SLC28A1: variants seen among roughly 807,000 people sequenced by gnomAD.
SLC28A1 encodes solute carrier family 28 member 1, also known as sodium/nucleoside cotransporter 1.
Under a neutral mutation model 74.8 loss-of-function variants are expected in SLC28A1, and 64 were observed. That is an observed-to-expected ratio of 0.86 (90% CI 0.70 to 1.05). The LOEUF (loss-of-function observed/expected upper bound fraction) is 1.05, where lower values mean the gene tolerates loss of function less well. Ranked by LOEUF, SLC28A1 falls within the 50% of genes least tolerant of loss-of-function variation. The pLI is 0.00. For missense variants in SLC28A1, 828 were observed against 822.8 expected, an observed-to-expected ratio of 1.01 and a Z score of -0.08; for synonymous variants, 359 against 335.0, an observed-to-expected ratio of 1.07 and a Z score of -0.78.
At position 84,886,771 on chromosome 15, in the gene SLC28A1, C is replaced by CTGT; in HGVS notation, c.-31_-29dup. 1 of 985,366 alleles carries CTGT rather than the reference C, an allele frequency of 1.0e-6. No homozygotes were observed. The highest frequency in any genetic ancestry group is 1.2e-6 in the Non-Finnish European group (1 of 829,824). The allele number at this position is 985,366 out of a possible 1,614,324, so 61.0% of individuals were successfully genotyped here. A position where few individuals can be genotyped will look rare whatever the true frequency, so the allele number is the denominator to read the frequency against. ...GCTTCCCTCTCTCTCTGAGAGCGACCTGTTAACCGCAAATACGTGAGTAGA... is the reference window on the plus strand; with the variant it reads ...GCTTCCCTCTCTCTCTGAGAGCGACCTGTTGTTAACCGCAAATACGTGAGTAGA... On this transcript the variant is annotated 5_prime_UTR_variant, in exon 2 of 19. Coordinates refer to ENST00000394573, the MANE Select transcript of SLC28A1 (RefSeq NM_004213.5).
At chr15:84,907,007 G>T (rs1298952133) in intron 8 of SLC28A1, among the ~76,000 whole-genome samples, 1 of 152,226 alleles carries the variant, frequency 6.6e-6, no homozygotes, top group Non-Finnish European at 1.5e-5. Context: ...TTTATAGACA[G>T]AGAAAGGCTG....
downstream of SLC28A1, among the ~76,000 whole-genome samples, chr15:84,950,359 CTTT>C (rs571049176): frequency 1.4e-3 from 178 of 127,574 alleles, 1 homozygote; most frequent in African/African-American, 4.7e-3. Flanking sequence ...CGCCAGTCTC[CTTT>C]TTTTTTTTTT....
At chr15:84,962,356 G>T in the SLC28A1 span, among the ~76,000 whole-genome samples, 2 of 152,106 alleles carry the variant, frequency 1.3e-5, no homozygotes, top group Non-Finnish European at 2.9e-5. Flanking sequence ...TTATAGGTGT[G>T]AGCCACTGCA....
Position 84,918,613 on chromosome 15 carries a change from C to G in SLC28A1, c.876+9C>G. ...AGTGGGTGATCCTGAAGGTAAGTTCCCAGTGCCCATGGCCAGGGCTCTCCC... is the reference window on the plus strand; with the variant it reads ...AGTGGGTGATCCTGAAGGTAAGTTCGCAGTGCCCATGGCCAGGGCTCTCCC... On this transcript the variant is annotated intron_variant, in intron 10 of 18. Transcript: ENST00000394573. The G allele has an allele frequency of 6.2e-7, 1 of 1,603,458 alleles. No individual in the cohort carries two copies. The highest frequency in any genetic ancestry group is 8.5e-7 in the Non-Finnish European group (1 of 1,170,448).
chr15:84,887,000 A>T (rs1964678683), intron 2 of SLC28A1, among the ~76,000 whole-genome samples: 1 of 152,220 alleles, frequency 6.6e-6, no homozygotes, highest in African/African-American at 2.4e-5. Context: ...GGTGTTAGTT[A>T]CCACTCTTAT....
chr15:84,921,970 A>ATCCC (rs1969881558), intron 11 of SLC28A1, among the ~76,000 whole-genome samples: 1 of 152,156 alleles, frequency 6.6e-6, no homozygotes, highest in Non-Finnish European at 1.5e-5. Context: ...ACATTGGGCG[A>ATCCC]TGTGAAGCGC....
In SLC28A1 at chr15:84,944,641, C is replaced by A. The variant is rs745888063; in HGVS notation, c.1739C>A (p.Ser580Tyr). ...LRALFTGACVSLVNACMAGIL... is the reference protein window; with the variant it reads ...LRALFTGACVYLVNACMAGIL... ...GCGCTCTTCACGGGAGCCTGTGTGTCCCTGGTGAACGCCTGTATGGCAGGT... is the reference window on the plus strand; with the variant it reads ...GCGCTCTTCACGGGAGCCTGTGTGTACCTGGTGAACGCCTGTATGGCAGGT... The change falls in exon 17 of 19, where the codon TCC (serine) becomes TAC (tyrosine). Residue 580 changes from serine (S) to tyrosine (Y), a missense_variant. Around this residue, in one of 3 missense-constraint regions of SLC28A1, gnomAD observed 767 missense variants for 753.5 expected, o/e 1.02. Transcript: ENST00000394573. 6 of 1,613,690 alleles carry A rather than the reference C, an allele frequency of 3.7e-6. No homozygotes were observed. The highest frequency in any genetic ancestry group is 5.1e-6 in the Non-Finnish European group (6 of 1,179,708).
intron 10 of SLC28A1, among the ~76,000 whole-genome samples, chr15:84,920,703 G>GTGTGTGTGT (rs113735505): frequency 4.4e-5 from 6 of 137,282 alleles, no homozygotes; most frequent in African/African-American, 1.5e-4. Flanking sequence ...ATCTCCAAGG[G>GTGTGTGTGT]GTGTGTGTGT....
At chr15:84,904,644 G>A (rs137945449) in intron 7 of SLC28A1, among the ~76,000 whole-genome samples, 14 of 152,302 alleles carry the variant, frequency 9.2e-5, no homozygotes, top group African/African-American at 3.1e-4. Context: ...CTGCTCCCCA[G>A]TCCAGCAACA....
chr15:84,911,445 C>T (rs531641799), intron 9 of SLC28A1, among the ~76,000 whole-genome samples: 6 of 152,326 alleles, frequency 3.9e-5, no homozygotes, highest in African/African-American at 1.4e-4. Flanking sequence ...GAGCTAGAAC[C>T]CCTCCACTGG....
Position 84,908,709 on chromosome 15 carries a change from T to G in SLC28A1, c.718-9T>G. On this transcript the variant is annotated splice_polypyrimidine_tract_variant and intron_variant, in intron 8 of 18. Coordinates refer to ENST00000394573, the MANE Select transcript of SLC28A1 (RefSeq NM_004213.5). ...GCCTGTTTTTGTTTGTTTTGCTTTT[T>G]TCTTTCAGATCTTCCTGAGCTACAC... is the stretch of plus-strand genomic sequence containing the variant. 2 of 1,612,576 alleles carry G rather than the reference T, an allele frequency of 1.2e-6. No individual in the cohort carries two copies. The highest frequency in any genetic ancestry group is 8.5e-7 in the Non-Finnish European group (1 of 1,179,620).
At chr15:84,913,048 G>T (rs1968577655) in intron 9 of SLC28A1, among the ~76,000 whole-genome samples, 1 of 152,022 alleles carries the variant, frequency 6.6e-6, no homozygotes, top group African/African-American at 2.4e-5. Context: ...GGGAATGAGG[G>T]GCAAAATGCT....
the SLC28A1 span, among the ~76,000 whole-genome samples, chr15:84,973,856 T>C: frequency 1.3e-5 from 2 of 152,182 alleles, no homozygotes; most frequent in South Asian, 4.1e-4. Flanking sequence ...CCTGGGTGTG[T>C]CTAGGCCCAG....
At position 84,912,847 on chromosome 15, in the gene SLC28A1, C is replaced by CACACACACACAA. The variant is rs60379618; in HGVS notation, c.795+4053_795+4054insCACACACACAAA. Among the ~76,000 whole-genome samples, 372 of 131,074 alleles carry CACACACACACAA rather than the reference C, an allele frequency of 2.8e-3. 4 individuals are homozygous for CACACACACACAA. Among genetic ancestry groups the CACACACACACAA allele is most frequent in the African/African-American group, 8.8e-3 (333 of 37,998 alleles). The allele number at this position is 131,074 out of a possible 152,430, so 86.0% of individuals were successfully genotyped here. A position where few individuals can be genotyped will look rare whatever the true frequency, so the allele number is the denominator to read the frequency against. On this transcript the variant is annotated intron_variant, in intron 9 of 18. Transcript: ENST00000394573. ...ACACACACACACACACACACACACA[C>CACACACACACAA]AGATCAAATAAGGACCAAAAGGTAT...
At chr15:84,890,355 TG>T in intron 4 of SLC28A1, 87 bp from the exon 5 acceptor site, 2 of 972,616 alleles carry the variant, frequency 2.1e-6, no homozygotes, top group Non-Finnish European at 3.2e-6. Context: ...GCCACTTTAC[TG>T]GGGACATACC....
intron 9 of SLC28A1, among the ~76,000 whole-genome samples, chr15:84,911,795 G>T (rs1019595114): frequency 6.8e-6 from 1 of 148,084 alleles, no homozygotes; most frequent in Admixed American, 6.9e-5. Flanking sequence ...GGAGACGGAG[G>T]TTGCAGTGAG....
At chr15:84,902,950 G>A (rs1404145715) in intron 6 of SLC28A1, among the ~76,000 whole-genome samples, 5 of 152,068 alleles carry the variant, frequency 3.3e-5, no homozygotes, top group Non-Finnish European at 1.5e-5. Context: ...GGCTGGTCTC[G>A]AATGCCTGAC....
At chr15:84,898,729 A>G (rs1210690939) in intron 6 of SLC28A1, among the ~76,000 whole-genome samples, 3 of 152,180 alleles carry the variant, frequency 2.0e-5, no homozygotes, top group Non-Finnish European at 2.9e-5. Flanking sequence ...TCAGGCAATA[A>G]AGGACACTGA....
intron 9 of SLC28A1, among the ~76,000 whole-genome samples, chr15:84,912,818 A>AGTG (rs1968525352): frequency 7.8e-6 from 1 of 128,814 alleles, no homozygotes; most frequent in South Asian, 2.3e-4. Flanking sequence ...ACACACACAC[A>AGTG]CACACACACA....
Sources: gnomAD v4.1 joint callset for allele counts (sites outside exome capture counted in the v4.1 genomes callset) on GRCh38, gnomAD v4.1.1 for gene constraint, gnomAD v4.1.1 regional missense constraint, MANE v1.5 for transcripts, NCBI Gene and HGNC (gene_info 2026-07-23, HGNC 2026-07-21) for gene names.